The following LRBA variants were observed in gnomAD, a reference collection of about 807,000 sequenced individuals.
The protein encoded by LRBA is LPS responsive beige-like anchor protein.
LRBA carries 176 observed loss-of-function variants against 330.0 expected under a neutral mutation model. The ratio of observed to expected loss-of-function variants is 0.53; its 90% CI spans 0.47 to 0.60. The LOEUF (loss-of-function observed/expected upper bound fraction) is 0.60, where lower values mean the gene tolerates loss of function less well. Among genes scored for constraint, LRBA ranks in the 20% least tolerant of loss-of-function variants. The probability of loss-of-function intolerance (pLI) is 0.00; values close to 1 mark genes in which losing one functional copy is unlikely to be tolerated. For missense variants in LRBA, 3,259 were observed against 3,444.8 expected (o/e 0.95, Z 1.35); for synonymous variants, 1,230 against 1,193.0 (o/e 1.03, Z -0.64).
intron 40 of LRBA, among the ~76,000 whole-genome samples, chr4:150,507,233 A>C (rs1218833435): frequency 6.6e-6 from 1 of 152,090 alleles, no homozygotes; most frequent in African/African-American, 2.4e-5. Flanking sequence ...ACTACTTTAA[A>C]GTTCATATGG....
intron 2 of LRBA, among the ~76,000 whole-genome samples, chr4:150,934,253 A>T (rs1734824598): frequency 6.6e-6 from 1 of 152,234 alleles, no homozygotes. Flanking sequence ...ATGCAATCAG[A>T]ACACATACAA....
chr4:150,281,711 A>T (rs1747561627), intron 55 of LRBA, among the ~76,000 whole-genome samples: 1 of 152,164 alleles, frequency 6.6e-6, no homozygotes, highest in African/African-American at 2.4e-5. Flanking sequence ...GAAAATGAGG[A>T]CCACCCCAGC....
chr4:150,548,204 C>G (rs1766081977), intron 40 of LRBA, among the ~76,000 whole-genome samples: 1 of 152,112 alleles, frequency 6.6e-6, no homozygotes, highest in Non-Finnish European at 1.5e-5. Context: ...TCAGCAGTCA[C>G]TCTTCTTCCC....
chr4:151,015,693 A>T (rs1055925585), upstream of LRBA: 3 of 152,004 alleles, frequency 2.0e-5, no homozygotes, highest in African/African-American at 7.2e-5. Context: ...TGCCCACTGA[A>T]GCTGCTCCCG....
chr4:150,809,340 T>C (rs1743265017), intron 31 of LRBA, among the ~76,000 whole-genome samples: 1 of 152,088 alleles, frequency 6.6e-6, no homozygotes, highest in Non-Finnish European at 1.5e-5. Context: ...TATACTCCAC[T>C]AAAAGAAAGA....
intron 16 of LRBA, among the ~76,000 whole-genome samples, chr4:150,894,635 T>C (rs1729861824): frequency 6.6e-6 from 1 of 152,202 alleles, no homozygotes. Context: ...GAATTTTTGC[T>C]GTGGAAGCTA....
rs375692912 is a variant in LRBA, at chr4:150,583,617, C to T, written c.6330+4431G>A. 10 of 1,614,008 alleles carry T rather than the reference C, an allele frequency of 6.2e-6. No homozygotes were observed. The African/African-American group carries it at 1.3e-4, about 22-fold the overall frequency. On this transcript the variant is annotated intron_variant, in intron 40 of 56. Coordinates refer to ENST00000651943, the MANE Select transcript of LRBA (RefSeq NM_001364905.1). The surrounding 1 kb of genome is among the most constrained non-coding windows in gnomAD (Gnocchi z 9.8). ...CTATGCCCCACATCCCTTGGCCCGG[C>T]CCCAATCGGGTGGCCGAGGTCAAGG...
At chr4:150,736,938 G>A (rs1731257715) in intron 35 of LRBA, among the ~76,000 whole-genome samples, 2 of 152,168 alleles carry the variant, frequency 1.3e-5, no homozygotes, top group Admixed American at 1.3e-4. Context: ...TAAAAGGCCA[G>A]GCCAGTGGCT....
intron 42 of LRBA, among the ~76,000 whole-genome samples, chr4:150,485,631 A>T (rs185278141): frequency 1.4e-3 from 208 of 152,016 alleles, no homozygotes; most frequent in Middle Eastern, 6.8e-3. Context: ...TCTAAAAACC[A>T]AGGAGACCGG....
chr4:150,389,267 T>C (rs904016065), intron 47 of LRBA, among the ~76,000 whole-genome samples: 1 of 152,022 alleles, frequency 6.6e-6, no homozygotes, highest in Non-Finnish European at 1.5e-5. Context: ...GGTGGGAGGA[T>C]TGCTTGAGCC....
chr4:150,632,046 C>A (rs1466058027), intron 37 of LRBA, among the ~76,000 whole-genome samples: 1 of 152,088 alleles, frequency 6.6e-6, no homozygotes, highest in Non-Finnish European at 1.5e-5. Context: ...GCCTGGCCAA[C>A]ATGTTGAAAC....
At chr4:150,948,489 T>C (rs1230126490) in intron 2 of LRBA, among the ~76,000 whole-genome samples, 1 of 152,006 alleles carries the variant, frequency 6.6e-6, no homozygotes. Flanking sequence ...CGGATTTAAA[T>C]GTAAAATATA....
intron 41 of LRBA, among the ~76,000 whole-genome samples, chr4:150,490,363 A>C (rs1758760052): frequency 6.6e-6 from 1 of 151,834 alleles, no homozygotes; most frequent in African/African-American, 2.4e-5. Context: ...TTCAAGTTCA[A>C]CTTGTCTCCC....
intron 42 of LRBA, among the ~76,000 whole-genome samples, chr4:150,481,505 C>T: frequency 6.6e-6 from 1 of 151,858 alleles, no homozygotes; most frequent in East Asian, 1.9e-4. Flanking sequence ...TTTCTGTAAC[C>T]ACCACCACAA....
intron 56 of LRBA, among the ~76,000 whole-genome samples, chr4:150,271,920 G>A (rs1746170619): frequency 6.6e-6 from 1 of 152,212 alleles, no homozygotes; most frequent in Non-Finnish European, 1.5e-5. Context: ...GGAAGGGGCA[G>A]CTGTGGGTGC....
At chr4:150,976,788 G>C (rs553672379) in intron 2 of LRBA, among the ~76,000 whole-genome samples, 1 of 152,296 alleles carries the variant, frequency 6.6e-6, no homozygotes, top group South Asian at 2.1e-4. Context: ...GTGTGTCATG[G>C]AGCACCTACG....
chr4:150,843,444 T>C (rs1371234926), intron 28 of LRBA, among the ~76,000 whole-genome samples: 2 of 152,234 alleles, frequency 1.3e-5, no homozygotes, highest in Non-Finnish European at 2.9e-5. Context: ...TTCATCTTTA[T>C]ACTTTCTATA....
In LRBA at chr4:150,810,033, G is replaced by A. The variant is rs1426394767; in HGVS notation, c.5306-1635C>T. Among the ~76,000 whole-genome samples, 3 of 152,216 alleles carry A rather than the reference G, an allele frequency of 2.0e-5. No individual in the cohort carries two copies. The South Asian group carries it at 6.2e-4, about 32-fold the overall frequency. On this transcript the variant is annotated intron_variant, in intron 31 of 56. Transcript: ENST00000651943. ...GTGCTCTTTTTGGTAAGGCAAATAA[G>A]GTTAATTCTGGATATAGATAAGCAT...
At chr4:150,990,207 C>T (rs191073736) in intron 2 of LRBA, among the ~76,000 whole-genome samples, 9 of 152,206 alleles carry the variant, frequency 5.9e-5, no homozygotes, top group Admixed American at 5.9e-4. Flanking sequence ...TATATATTTA[C>T]ATATATATGT....
Sources: gnomAD v4.1 joint callset for allele counts (sites outside exome capture counted in the v4.1 genomes callset) on GRCh38, gnomAD v4.1.1 for gene constraint, Gnocchi (gnomAD v3.1) non-coding constraint, MANE v1.5 for transcripts, NCBI Gene and HGNC (gene_info 2026-07-23, HGNC 2026-07-21) for gene names.